ENKUR: variants seen among roughly 807,000 people sequenced by gnomAD.
The protein encoded by ENKUR is enkurin.
Under a neutral mutation model 27.6 loss-of-function variants are expected in ENKUR, and 19 were observed. The ratio of observed to expected loss-of-function variants is 0.69; its 90% CI spans 0.48 to 1.01. ENKUR has a LOEUF of 1.01. ENKUR is among the 50% of genes least tolerant of loss of function. The probability of loss-of-function intolerance (pLI) is 0.00; values close to 1 mark genes in which losing one functional copy is unlikely to be tolerated. For missense variants in ENKUR, 312 were observed against 310.5 expected (o/e 1.00, Z -0.04); for synonymous variants, 117 against 96.9 (o/e 1.21, Z -1.22).
At chr10:25,061,004 G>A in intron 2 of ENKUR, 1 of 1,058,608 alleles carries the variant, frequency 9.4e-7, no homozygotes, top group Middle Eastern at 2.1e-4. Flanking sequence ...AAGAGCCACT[G>A]GGCCTGGCCC....
chr10:25,013,900 C>T (rs185001724), intron 1 of ENKUR, among the ~76,000 whole-genome samples: 1 of 152,074 alleles, frequency 6.6e-6, no homozygotes, highest in East Asian at 1.9e-4. Flanking sequence ...CAAGATGGCG[C>T]CATTGCACTC....
intron 4 of ENKUR, 77 bp from the exon 5 acceptor site, chr10:24,984,982 T>C (rs1849750602): frequency 9.0e-7 from 1 of 1,109,542 alleles, no homozygotes; most frequent in Non-Finnish European, 1.3e-6. Flanking sequence ...TAATTGGTAA[T>C]GAAAAATGTC....
chr10:25,017,540 A>G (rs1006930397), upstream of ENKUR, among the ~76,000 whole-genome samples: 1 of 152,122 alleles, frequency 6.6e-6, no homozygotes, highest in Non-Finnish European at 1.5e-5. Context: ...TAGTTCCTGT[A>G]TAAAAAGGCT....
At chr10:24,998,498 C>G (rs1043099275) in intron 2 of ENKUR, among the ~76,000 whole-genome samples, 1 of 151,976 alleles carries the variant, frequency 6.6e-6, no homozygotes, top group Non-Finnish European at 1.5e-5. Flanking sequence ...CATCAGCCTC[C>G]AGAGTAGTGA....
intron 2 of ENKUR, among the ~76,000 whole-genome samples, chr10:25,043,551 A>G (rs1162540774): frequency 1.3e-5 from 2 of 152,136 alleles, no homozygotes; most frequent in Admixed American, 1.3e-4. Context: ...AAGTGTGGCC[A>G]TAATATGCCT....
In ENKUR at chr10:25,016,136, G is replaced by T; in HGVS notation, c.-200C>A. The T allele has an allele frequency of 8.0e-7, 1 of 1,245,062 alleles. No homozygotes were observed. 77.1% of individuals were successfully genotyped at this position (1,245,062 alleles called of 1,614,324 possible). The stretch of plus-strand genomic sequence containing the variant: ...GAAGAAAACACCCTATTTCTCTCCG[G>T]ATTGCTAAGCGTCGTTGACTGTGCG... On this transcript the variant is annotated 5_prime_UTR_variant, in exon 1 of 6. Transcript: ENST00000331161.
intron 4 of ENKUR, among the ~76,000 whole-genome samples, chr10:24,986,069 G>A (rs1849772881): frequency 6.6e-6 from 1 of 152,060 alleles, no homozygotes; most frequent in African/African-American, 2.4e-5. Flanking sequence ...GACCCTGCCT[G>A]AAAACAAAAA....
intron 2 of ENKUR, chr10:25,023,477 A>G: frequency 6.2e-7 from 1 of 1,614,138 alleles, no homozygotes; most frequent in Non-Finnish European, 8.5e-7. Context: ...TGTGTCATAG[A>G]TGTGGATGAT....
At chr10:25,020,199 A>G (rs1016398297), upstream of ENKUR, among the ~76,000 whole-genome samples, 3 of 151,330 alleles carry the variant, frequency 2.0e-5, no homozygotes, top group African/African-American at 7.3e-5. Context: ...TAATATTGAT[A>G]CAGAATTTAC....
At chr10:25,021,111 TA>T (rs969849335), upstream of ENKUR, among the ~76,000 whole-genome samples, 5 of 151,980 alleles carry the variant, frequency 3.3e-5, no homozygotes, top group African/African-American at 7.2e-5. Flanking sequence ...AACCAAACCA[TA>T]AAAAAAATGC....
chr10:25,020,097 A>G (rs1444946871), upstream of ENKUR, among the ~76,000 whole-genome samples: 1 of 152,146 alleles, frequency 6.6e-6, no homozygotes, highest in Non-Finnish European at 1.5e-5. Flanking sequence ...ATGTAGCTTA[A>G]AATAGAATAT....
At chr10:25,021,049 AAACAGTTCTTGATTCGTGGGTG>A (rs1850708968), upstream of ENKUR, among the ~76,000 whole-genome samples, 3 of 152,310 alleles carry the variant, frequency 2.0e-5, no homozygotes, top group South Asian at 6.2e-4. Context: ...GTGCATGGCA[AAACAGTTCTTGATTCGTGGGTG>A]AACACCACGG....
chr10:24,996,330 G>A (rs1850053646), intron 2 of ENKUR, among the ~76,000 whole-genome samples: 1 of 152,160 alleles, frequency 6.6e-6, no homozygotes, highest in Non-Finnish European at 1.5e-5. Context: ...GCTGAGGTGG[G>A]AGGATTGCTT....
chr10:25,057,292 T>TA (rs1268336236), intron 2 of ENKUR, among the ~76,000 whole-genome samples: 1 of 148,872 alleles, frequency 6.7e-6, no homozygotes, highest in Non-Finnish European at 1.5e-5. Context: ...ATAGAAGAAA[T>TA]AAAAAAACAG....
chr10:25,056,193 G>A (rs1851254050), intron 2 of ENKUR, among the ~76,000 whole-genome samples: 1 of 152,218 alleles, frequency 6.6e-6, no homozygotes, highest in Admixed American at 6.5e-5. Flanking sequence ...AGGTCTGTTG[G>A]AAATCAAAGC....
chr10:25,054,677 C>T (rs2367507), intron 2 of ENKUR, among the ~76,000 whole-genome samples: 67,130 of 149,486 alleles, frequency 0.45, 16,154 homozygotes, highest in African/African-American at 0.63. Flanking sequence ...ATGATGTGGG[C>T]GATTAATTTT....
intron 3 of ENKUR, among the ~76,000 whole-genome samples, chr10:24,994,746 G>C (rs1179443735): frequency 6.6e-6 from 1 of 152,076 alleles, no homozygotes; most frequent in Non-Finnish European, 1.5e-5. Flanking sequence ...ATTTGGCTGG[G>C]TGCAGTGGCT....
At chr10:25,017,458 T>TC (rs1850627334), upstream of ENKUR, among the ~76,000 whole-genome samples, 1 of 152,094 alleles carries the variant, frequency 6.6e-6, no homozygotes, top group South Asian at 2.1e-4. Context: ...AAAACACACT[T>TC]GAGTCTGGGT....
chr10:24,996,456 G>GTATATATATATA (rs1554769551), intron 2 of ENKUR, among the ~76,000 whole-genome samples: 13 of 149,704 alleles, frequency 8.7e-5, no homozygotes, highest in Admixed American at 1.3e-4. Context: ...GTGTGTGTGT[G>GTATATATATATA]TATATATATA....
Sources: allele counts gnomAD v4.1 joint callset (sites outside exome capture counted in the v4.1 genomes callset), GRCh38; gene constraint gnomAD v4.1.1; transcripts MANE v1.5; gene names NCBI Gene and HGNC (gene_info 2026-07-23, HGNC 2026-07-21).